Variants in DIP2C observed in about 807,000 individuals in gnomAD.
DIP2C encodes disco-interacting protein 2 homolog C.
DIP2C carries 33 observed loss-of-function variants against 192.4 expected under a neutral mutation model. That is an observed-to-expected ratio of 0.17 (90% CI 0.13 to 0.23). The LOEUF is 0.23. Ranked by LOEUF, DIP2C falls within the 10% of genes least tolerant of loss-of-function variation. DIP2C has a pLI of 1.00. For missense variants in DIP2C, 1,537 were observed against 2,110.1 expected (o/e 0.73, Z 5.32); for synonymous variants, 979 against 864.1 (o/e 1.13, Z -2.33).
intron 1 of DIP2C, among the ~76,000 whole-genome samples, chr10:657,264 CCTGGACCTGCCCCTGGACCTGCCA>C (rs1856415151): frequency 3.8e-5 from 1 of 26,282 alleles, no homozygotes; most frequent in African/African-American, 1.3e-4. Flanking sequence ...TGGACCTGTC[CCTGGACCTGCCCCTGGACCTGCCA>C]CTGGACCTGT....
intron 19 of DIP2C, 56 bp from the exon 20 acceptor site, chr10:364,638 C>A (rs2132736966): frequency 1.3e-6 from 2 of 1,562,202 alleles, no homozygotes; most frequent in African/African-American, 1.4e-5. Flanking sequence ...GGTTTTAATC[C>A]TCGCCGCTAC....
At chr10:465,463 T>G (rs1321350835) in intron 3 of DIP2C, among the ~76,000 whole-genome samples, 5 of 151,962 alleles carry the variant, frequency 3.3e-5, no homozygotes, top group Non-Finnish European at 7.4e-5. Context: ...AAGCATTCCC[T>G]TTGAAAACTG....
At chr10:356,382 C>A (rs772323172) in intron 24 of DIP2C, 44 bp downstream of exon 24, 24 of 1,602,776 alleles carry the variant, frequency 1.5e-5, no homozygotes, top group Non-Finnish European at 1.9e-5. Context: ...CCAGGCTAGG[C>A]CCCTTGAGGC....
At chr10:283,024 C>T (rs956390228) in intron 35 of DIP2C, among the ~76,000 whole-genome samples, 9 of 152,270 alleles carry the variant, frequency 5.9e-5, no homozygotes, top group Non-Finnish European at 1.3e-4. Flanking sequence ...TGCCCCTCTC[C>T]GGTTTTCAGT....
chr10:582,319 G>A (rs997787089), intron 1 of DIP2C, among the ~76,000 whole-genome samples: 1 of 152,210 alleles, frequency 6.6e-6, no homozygotes, highest in African/African-American at 2.4e-5. Flanking sequence ...AGGATGCCAT[G>A]CACCCAACCC....
rs533571957 is a variant in DIP2C at position 435,374 on chromosome 10, T to TA, written c.394+5496_394+5497insT. On this transcript the variant is annotated intron_variant, in intron 4 of 36. Coordinates refer to ENST00000280886, the MANE Select transcript of DIP2C (RefSeq NM_014974.3). ...TCCCCTGTAGTAAGTATGAGGGGAT[T>TA]CTTCCCTGATATTTACTTCGAGAAC... Among the ~76,000 whole-genome samples, 209 of 152,340 alleles carry TA rather than the reference T, an allele frequency of 1.4e-3. 1 individual carries two copies. The highest frequency in any genetic ancestry group is 4.6e-3 in the African/African-American group (193 of 41,578).
chr10:420,391 G>A (rs1404946932), intron 5 of DIP2C, among the ~76,000 whole-genome samples: 1 of 152,196 alleles, frequency 6.6e-6, no homozygotes, highest in Non-Finnish European at 1.5e-5. Flanking sequence ...GCCGTTCACT[G>A]GGAACCCGTG....
intron 1 of DIP2C, among the ~76,000 whole-genome samples, chr10:492,244 T>C (rs960185789): frequency 3.3e-5 from 5 of 152,302 alleles, no homozygotes; most frequent in Admixed American, 1.3e-4. Context: ...TGAGCCTCTC[T>C]CCCCAAACTG....
chr10:629,182 A>G (rs1438133005), intron 1 of DIP2C, among the ~76,000 whole-genome samples: 1 of 152,186 alleles, frequency 6.6e-6, no homozygotes, highest in African/African-American at 2.4e-5. Flanking sequence ...GTGGAGACAC[A>G]CGGTTGGCCC....
chr10:484,794 A>T (rs1439886832), intron 2 of DIP2C: 2 of 1,611,104 alleles, frequency 1.2e-6, no homozygotes, highest in African/African-American at 2.7e-5. Context: ...AACGAAAGTA[A>T]AACAGAGGCC....
chr10:377,336 C>T (rs555079857), intron 17 of DIP2C, among the ~76,000 whole-genome samples: 11 of 152,334 alleles, frequency 7.2e-5, no homozygotes, highest in African/African-American at 1.9e-4. Flanking sequence ...GCCATCTTCC[C>T]GCTGCACCTC....
At chr10:431,349 T>C (rs1217836825) in intron 4 of DIP2C, among the ~76,000 whole-genome samples, 1 of 152,260 alleles carries the variant, frequency 6.6e-6, no homozygotes, top group Non-Finnish European at 1.5e-5. Flanking sequence ...TTAGTTTTTC[T>C]GTGAATGAGT....
In DIP2C at chr10:629,835, G is replaced by C. The variant is rs1404291922; in HGVS notation, c.85+59659C>G. The C allele has an allele frequency of 2.0e-5, 3 of 152,414 alleles. No homozygotes were observed. In the South Asian group the frequency reaches 6.2e-4, roughly 32 times the overall value. The allele number at this position is 152,414 out of a possible 1,614,324, so 9.4% of individuals were successfully genotyped here. On this transcript the variant is annotated intron_variant, in intron 1 of 36. Coordinates refer to ENST00000280886, the MANE Select transcript of DIP2C (RefSeq NM_014974.3). Reference sequence around the variant, plus strand: ...CTCAGCCGAGAATGTGGTGCTTTCTGTAACTGCCCTCATTTCTTTACAGTA... The same window carrying C: ...CTCAGCCGAGAATGTGGTGCTTTCTCTAACTGCCCTCATTTCTTTACAGTA...
In DIP2C at chr10:325,768, T is replaced by C. The variant is rs544304269; in HGVS notation, c.3924+1238A>G. 6.6e-5 allele frequency among the ~76,000 whole-genome samples: 10 copies of C among 152,314 alleles called. No homozygotes were observed. In the South Asian group the frequency reaches 8.3e-4, roughly 13 times the overall value. On this transcript the variant is annotated intron_variant, in intron 31 of 36. Transcript: ENST00000280886. ...TTAGAAAAGGGTATTATTTTAATCA[T>C]AGGACAAGGTTTAACTGACTCTTGA... is the stretch of plus-strand genomic sequence containing the variant.
chr10:406,429 T>A (rs1264792980), intron 9 of DIP2C, among the ~76,000 whole-genome samples: 3 of 152,212 alleles, frequency 2.0e-5, no homozygotes, highest in Non-Finnish European at 4.4e-5. Context: ...ACCTTTCTGC[T>A]TTTGTTTCTC....
chr10:672,682 C>A (rs1365866966), intron 1 of DIP2C, among the ~76,000 whole-genome samples: 4 of 152,218 alleles, frequency 2.6e-5, no homozygotes, highest in Admixed American at 2.6e-4. Context: ...AGAGTGGTCA[C>A]TTTTCCTGTA....
intron 1 of DIP2C, among the ~76,000 whole-genome samples, chr10:551,937 G>A (rs1358237819): frequency 6.6e-6 from 1 of 152,220 alleles, no homozygotes; most frequent in Non-Finnish European, 1.5e-5. Context: ...ACCCCTGCCA[G>A]CATCCTCTGA....
rs71376842 is a variant in DIP2C at position 603,298 on chromosome 10, C to CAAAAAAAAAAAAAAAAAAAAAAAAAAAA, written c.85+86168_85+86195dup. Among the ~76,000 whole-genome samples, 2 of 45,882 alleles carry CAAAAAAAAAAAAAAAAAAAAAAAAAAAA rather than the reference C, an allele frequency of 4.4e-5. 1 individual carries two copies. Among genetic ancestry groups the CAAAAAAAAAAAAAAAAAAAAAAAAAAAA allele is most frequent in the African/African-American group, 2.5e-4 (2 of 8,142 alleles). The allele number at this position is 45,882 out of a possible 152,430, so 30.1% of individuals were successfully genotyped here. A position where few individuals can be genotyped will look rare whatever the true frequency, so the allele number is the denominator to read the frequency against. On this transcript the variant is annotated intron_variant, in intron 1 of 36. Coordinates refer to ENST00000280886, the MANE Select transcript of DIP2C (RefSeq NM_014974.3). Reference sequence around the variant, plus strand: ...TGGGTGACAGAATGAGACTCCATCTCAAAAAAAAAAAAAAAAAAAAAAAAA... The same window carrying CAAAAAAAAAAAAAAAAAAAAAAAAAAAA: ...TGGGTGACAGAATGAGACTCCATCTCAAAAAAAAAAAAAAAAAAAAAAAAAAAAAAAAAAAAAAAAAAAAAAAAAAAAA...
intron 1 of DIP2C, among the ~76,000 whole-genome samples, chr10:544,268 CAT>C (rs1848163792): frequency 3.9e-5 from 6 of 152,336 alleles, no homozygotes; most frequent in Admixed American, 2.6e-4. Context: ...CATTGGAGCA[CAT>C]GTTCTTTTGT....
Sources: gnomAD v4.1 joint callset for allele counts (sites outside exome capture counted in the v4.1 genomes callset) on GRCh38, gnomAD v4.1.1 for gene constraint, MANE v1.5 for transcripts, NCBI Gene and HGNC (gene_info 2026-07-23, HGNC 2026-07-21) for gene names.